The following TMEM220 variants were observed in gnomAD, a reference collection of about 807,000 sequenced individuals.
TMEM220 encodes transmembrane protein 220.
TMEM220 carries 21 observed loss-of-function variants against 21.7 expected under a neutral mutation model. The ratio of observed to expected loss-of-function variants is 0.97; its 90% confidence interval spans 0.69 to 1.39. TMEM220 has a LOEUF of 1.39. TMEM220 is among the 40% of genes most tolerant of loss of function. The pLI, the probability that TMEM220 is intolerant of heterozygous loss-of-function variation, is 0.00. For missense variants in TMEM220, 191 were observed against 201.9 expected (o/e 0.95, Z 0.33); for synonymous variants, 80 against 73.6 (o/e 1.09, Z -0.45).
In TMEM220 at chr17:10,715,407, AATTG is replaced by A. The variant is rs779024706; in HGVS notation, c.*42_*45del. 9 of 1,545,058 alleles carry A rather than the reference AATTG, an allele frequency of 5.8e-6. No homozygotes were observed. The highest frequency in any genetic ancestry group is 7.0e-6 in the Non-Finnish European group (8 of 1,145,924). On this transcript the variant is annotated 3_prime_UTR_variant, in exon 6 of 6. Transcript: ENST00000341871. ...GCTTGTTCCCCTAATGTTTATAAAA[AATTG>A]ATTGAAAATATTCATTTTAAAAACG...
chr17:10,729,108 C>T (rs1252154865), intron 1 of TMEM220, 48 bp from the exon 2 acceptor site: 1 of 1,609,346 alleles, frequency 6.2e-7, no homozygotes, highest in South Asian at 1.1e-5. Flanking sequence ...TGTGCTGTTC[C>T]ATTCCTTTTA....
At chr17:10,712,593 G>A (rs2074861619), downstream of TMEM220, among the ~76,000 whole-genome samples, 1 of 152,216 alleles carries the variant, frequency 6.6e-6, no homozygotes, top group South Asian at 2.1e-4. Flanking sequence ...AGGGAACATG[G>A]AGGATGAATT....
intron 2 of TMEM220, 136 bp from the exon 3 acceptor site, chr17:10,726,400 T>A (rs570110507): frequency 1.4e-6 from 1 of 719,404 alleles, no homozygotes; most frequent in Non-Finnish European, 2.4e-6. Flanking sequence ...GTTTCAATGG[T>A]GATTGAGAAA....
rs1412483151 is a variant in TMEM220 at position 10,729,844 on chromosome 17, G to T, written c.8C>A (p.Pro3Gln). The change falls in exon 1 of 6, where the codon CCA (proline) becomes CAA (glutamine). Residue 3 changes from proline to glutamine, a missense_variant. Pro to Gln is a moderately conservative substitution (Grantham distance 76). Transcript: ENST00000341871. ...TCCGTTGCAGGCCCGCCACAGCGCTGGCGCCATGGCTCGGAGAACACGGCG... is the reference window on the plus strand; with the variant it reads ...TCCGTTGCAGGCCCGCCACAGCGCTTGCGCCATGGCTCGGAGAACACGGCG... MA[P>Q]ALWRACNGLM... The T allele has an allele frequency of 7.3e-7, 1 of 1,362,120 alleles. No homozygotes were observed. The highest frequency in any genetic ancestry group is 3.0e-5 in the East Asian group (1 of 32,880). 84.4% of individuals were successfully genotyped at this position (1,362,120 alleles called of 1,614,324 possible).
downstream of TMEM220, chr17:10,711,220 C>A: frequency 8.3e-7 from 1 of 1,199,934 alleles, no homozygotes; most frequent in Non-Finnish European, 1.2e-6. Flanking sequence ...AATCCTCTGT[C>A]TCATTGTTTA....
At chr17:10,728,288 CT>C (rs112898193) in intron 2 of TMEM220, among the ~76,000 whole-genome samples, 3,941 of 139,406 alleles carry the variant, frequency 0.028, 112 homozygotes, top group East Asian at 0.15. Context: ...CTTTTCTTTG[CT>C]TTTTTTTTTT....
chr17:10,729,698 C>G, intron 1 of TMEM220, 82 bp downstream of exon 1: 4 of 1,220,408 alleles, frequency 3.3e-6, no homozygotes, highest in Non-Finnish European at 2.1e-6. Context: ...CGACTCTGCC[C>G]GCTAGTCAGT....
chr17:10,729,515 T>G (rs2075095498), intron 1 of TMEM220, among the ~76,000 whole-genome samples: 2 of 152,216 alleles, frequency 1.3e-5, no homozygotes. Flanking sequence ...GGGCCGCTTC[T>G]TCTGAGGTCC....
In TMEM220 at chr17:10,729,767, G is replaced by A; in HGVS notation, c.72+13C>T. The A allele has an allele frequency of 7.3e-7, 1 of 1,360,622 alleles. No individual in the cohort carries two copies. Among genetic ancestry groups the A allele is most frequent in the South Asian group, 1.7e-5 (1 of 60,104 alleles). The allele number at this position is 1,360,622 out of a possible 1,614,324, so 84.3% of individuals were successfully genotyped here. A position where few individuals can be genotyped will look rare whatever the true frequency, so the allele number is the denominator to read the frequency against. ...GAGCCGGGCGGGTCCCCCTCCCACC[G>A]CGGCCGCCTGACCTGCACCAAGGCC... On this transcript the variant is annotated intron_variant, in intron 1 of 5. Coordinates refer to ENST00000341871, the MANE Select transcript of TMEM220 (RefSeq NM_001004313.3).
downstream of TMEM220, among the ~76,000 whole-genome samples, chr17:10,711,609 A>G (rs2074854290): frequency 6.6e-6 from 1 of 152,196 alleles, no homozygotes; most frequent in Admixed American, 6.5e-5. Flanking sequence ...TGTAAACAAA[A>G]TTACCAATAG....
downstream of TMEM220, chr17:10,711,192 C>G: frequency 1.4e-6 from 2 of 1,441,524 alleles, no homozygotes; most frequent in Non-Finnish European, 1.9e-6. Context: ...GTTTGTCCCT[C>G]CTAAACAAAA....
intron 4 of TMEM220, among the ~76,000 whole-genome samples, chr17:10,724,157 G>A (rs2075022581): frequency 6.6e-6 from 1 of 152,160 alleles, no homozygotes; most frequent in Non-Finnish European, 1.5e-5. Context: ...GAAACAAAAG[G>A]ACCTATTAAT....
Position 10,715,309 on chromosome 17 carries a change from A to G in TMEM220, c.*144T>C, listed in dbSNP as rs1434959740. On this transcript the variant is annotated 3_prime_UTR_variant, in exon 6 of 6. Coordinates refer to ENST00000341871, the MANE Select transcript of TMEM220 (RefSeq NM_001004313.3). Reference sequence around the variant, plus strand: ...ACTTGTCCCATCCAATCTTACATCGAATTATATGCACCCTTAAAAAGTTAT... The same window carrying G: ...ACTTGTCCCATCCAATCTTACATCGGATTATATGCACCCTTAAAAAGTTAT... The G allele has an allele frequency of 1.5e-6, 1 of 675,844 alleles. No individual in the cohort carries two copies. Among genetic ancestry groups the G allele is most frequent in the Non-Finnish European group, 2.4e-6 (1 of 423,522 alleles). 41.9% of individuals were successfully genotyped at this position (675,844 alleles called of 1,614,324 possible).
At chr17:10,729,712 A>G in intron 1 of TMEM220, 68 bp downstream of exon 1, 1 of 1,274,772 alleles carries the variant, frequency 7.8e-7, no homozygotes, top group Non-Finnish European at 1.0e-6. Context: ...AGTCAGTTAC[A>G]CGGCCCGCTA....
Position 10,715,360 on chromosome 17 carries a change from A to G in TMEM220, c.*93T>C. The G allele has an allele frequency of 7.8e-7, 1 of 1,275,934 alleles. No individual in the cohort carries two copies. The highest frequency in any genetic ancestry group is 1.1e-6 in the Non-Finnish European group (1 of 927,310). 79.0% of individuals were successfully genotyped at this position (1,275,934 alleles called of 1,614,324 possible). On this transcript the variant is annotated 3_prime_UTR_variant, in exon 6 of 6. Coordinates refer to ENST00000341871, the MANE Select transcript of TMEM220 (RefSeq NM_001004313.3). Reference sequence around the variant, plus strand: ...TTGGAGTTTTAAAACTATTAGCCCAAATTACCTGAAATAAACTCCTGGCTT... The same window carrying G: ...TTGGAGTTTTAAAACTATTAGCCCAGATTACCTGAAATAAACTCCTGGCTT...
At chr17:10,723,486 T>C (rs1179753423) in intron 4 of TMEM220, among the ~76,000 whole-genome samples, 157 bp from the exon 5 acceptor site, 1 of 152,214 alleles carries the variant, frequency 6.6e-6, no homozygotes, top group Admixed American at 6.5e-5. Context: ...AATCTGACCA[T>C]GATTCATAAA....
chr17:10,728,128 C>A lies in TMEM220; in HGVS notation c.102+903G>T, dbSNP rs550740965. On this transcript the variant is annotated intron_variant, in intron 2 of 5. Coordinates refer to ENST00000341871, the MANE Select transcript of TMEM220 (RefSeq NM_001004313.3). ...TGAGCCTAGATTGCGCCATTGCACT[C>A]CAGCCTGGGCAACAAGAGCAAAACT... is the stretch of plus-strand genomic sequence containing the variant. 2.0e-5 allele frequency among the ~76,000 whole-genome samples: 3 copies of A among 151,196 alleles called. No individual in the cohort carries two copies. The South Asian group carries it at 6.3e-4, about 32-fold the overall frequency.
intron 2 of TMEM220, among the ~76,000 whole-genome samples, chr17:10,726,882 T>C (rs2075055109): frequency 6.6e-6 from 1 of 152,246 alleles, no homozygotes; most frequent in Admixed American, 6.5e-5. Context: ...CTAGCCAAAC[T>C]TACTATTGTG....
At chr17:10,721,917 T>A (rs1313114699) in intron 5 of TMEM220, among the ~76,000 whole-genome samples, 1 of 152,044 alleles carries the variant, frequency 6.6e-6, no homozygotes, top group Non-Finnish European at 1.5e-5. Context: ...TTTTTTTTCA[T>A]CTTTTGACTT....
Sources: allele counts gnomAD v4.1 joint callset (sites outside exome capture counted in the v4.1 genomes callset), GRCh38; gene constraint gnomAD v4.1.1; transcripts MANE v1.5; gene names NCBI Gene and HGNC (gene_info 2026-07-23, HGNC 2026-07-21).